NKAIN2: variants seen among roughly 807,000 people sequenced by gnomAD.
NKAIN2 encodes the protein sodium/potassium-transporting ATPase subunit beta-1-interacting protein 2.
A neutral mutation model predicts 32.6 loss-of-function variants in NKAIN2; 14 were observed. The observed-to-expected ratio is 0.43, with a 90% CI of 0.28 to 0.67. The LOEUF is 0.67. Ranked by LOEUF, NKAIN2 falls within the 30% of genes least tolerant of loss-of-function variation. NKAIN2 has a pLI of 0.17. For synonymous variants in NKAIN2, 80 were observed against 87.2 expected (o/e 0.92, Z 0.46); for missense variants, 198 against 258.3 (o/e 0.77, Z 1.60).
At chr6:124,274,093 G>T (rs948242745) in intron 1 of NKAIN2, among the ~76,000 whole-genome samples, 1 of 152,094 alleles carries the variant, frequency 6.6e-6, no homozygotes, top group Non-Finnish European at 1.5e-5. Flanking sequence ...ATGAGAATCA[G>T]ACTACAAAGG....
rs545625201 is a variant in NKAIN2 at position 123,897,894 on chromosome 6, C to G, written c.54+93640C>G. ...GGGCTGGTTCTGTACTGTAGCAAAA[C>G]AAAGAATAAATGTATTTTGTGAAGA... is the stretch of plus-strand genomic sequence containing the variant. On this transcript the variant is annotated intron_variant, in intron 1 of 6. Transcript: ENST00000368417. Among the ~76,000 whole-genome samples the G allele has an allele frequency of 4.6e-5, 7 of 152,278 alleles. No individual in the cohort carries two copies. The South Asian group carries it at 1.5e-3, about 32-fold the overall frequency.
chr6:124,354,805 G>A (rs1241415130), intron 2 of NKAIN2, among the ~76,000 whole-genome samples: 2 of 148,042 alleles, frequency 1.4e-5, no homozygotes, highest in Non-Finnish European at 3.0e-5. Context: ...TTATCCTTAA[G>A]CAGGTTTGAG....
At chr6:124,660,281 A>ATATATGAC (rs1644082452) in intron 4 of NKAIN2, among the ~76,000 whole-genome samples, 1 of 152,228 alleles carries the variant, frequency 6.6e-6, no homozygotes, top group African/African-American at 2.4e-5. Flanking sequence ...ATGGATATTT[A>ATATATGAC]TATATGACTA....
At chr6:123,983,093 T>C (rs1020363305) in intron 1 of NKAIN2, among the ~76,000 whole-genome samples, 6 of 151,498 alleles carry the variant, frequency 4.0e-5, no homozygotes, top group Admixed American at 2.0e-4. Flanking sequence ...AAGGTCTAGC[T>C]TGGCAGAGTA....
intron 3 of NKAIN2, among the ~76,000 whole-genome samples, chr6:124,447,274 GCTC>G (rs143668584): frequency 0.012 from 1,753 of 152,104 alleles, 29 homozygotes; most frequent in African/African-American, 0.04. Flanking sequence ...CAGACCTTAA[GCTC>G]CTTCAGGGCT....
At chr6:124,637,389 A>ATTTCT (rs1352360890) in intron 3 of NKAIN2, among the ~76,000 whole-genome samples, 1 of 152,030 alleles carries the variant, frequency 6.6e-6, no homozygotes, top group African/African-American at 2.4e-5. Flanking sequence ...AATGTCTAGC[A>ATTTCT]ATTAGATAAG....
chr6:124,312,669 C>T (rs187416550), intron 2 of NKAIN2, among the ~76,000 whole-genome samples: 5 of 152,214 alleles, frequency 3.3e-5, no homozygotes, highest in East Asian at 1.9e-4. Context: ...GTGTCCTCTT[C>T]GGTCTTTTAT....
intron 4 of NKAIN2, among the ~76,000 whole-genome samples, chr6:124,716,414 G>A (rs1335247963): frequency 1.3e-5 from 2 of 152,154 alleles, no homozygotes; most frequent in Non-Finnish European, 2.9e-5. Context: ...CATAAAAACA[G>A]CCAGAGTCTG....
intron 5 of NKAIN2, among the ~76,000 whole-genome samples, chr6:124,806,346 A>C (rs1352107767): frequency 6.6e-6 from 1 of 152,206 alleles, no homozygotes; most frequent in Non-Finnish European, 1.5e-5. Context: ...AACATACTTA[A>C]AGAAAAGATT....
At chr6:124,168,139 A>T (rs1219359136) in intron 1 of NKAIN2, among the ~76,000 whole-genome samples, 1 of 152,154 alleles carries the variant, frequency 6.6e-6, no homozygotes, top group African/African-American at 2.4e-5. Flanking sequence ...TGCAAATTGG[A>T]CATTTAATTT....
At chr6:124,176,731 T>G (rs1020226609) in intron 1 of NKAIN2, among the ~76,000 whole-genome samples, 1 of 152,154 alleles carries the variant, frequency 6.6e-6, no homozygotes, top group African/African-American at 2.4e-5. Context: ...TGCTGCTAGA[T>G]ATGATAGAAT....
intron 1 of NKAIN2, among the ~76,000 whole-genome samples, chr6:124,101,963 G>A (rs967562660): frequency 6.6e-6 from 1 of 152,196 alleles, no homozygotes; most frequent in African/African-American, 2.4e-5. Context: ...AAAGCTGTCT[G>A]TACCAAGATA....
chr6:124,183,525 A>G (rs1279259612), intron 1 of NKAIN2, among the ~76,000 whole-genome samples: 3 of 152,110 alleles, frequency 2.0e-5, no homozygotes, highest in Non-Finnish European at 4.4e-5. Flanking sequence ...TTATTTTCTC[A>G]AGATATATGT....
chr6:124,359,617 C>G (rs6928597), intron 3 of NKAIN2, among the ~76,000 whole-genome samples: 23,238 of 151,900 alleles, frequency 0.15, 2,381 homozygotes, highest in African/African-American at 0.3. Context: ...TTTGCACATT[C>G]ATTTTGTATC....
chr6:124,717,942 A>G (rs1482608545), intron 4 of NKAIN2, among the ~76,000 whole-genome samples: 2 of 152,196 alleles, frequency 1.3e-5, no homozygotes, highest in East Asian at 3.8e-4. Context: ...GGCATATTCA[A>G]AAGAAAACCC....
At chr6:124,168,188 A>G (rs936982857) in intron 1 of NKAIN2, among the ~76,000 whole-genome samples, 4 of 152,168 alleles carry the variant, frequency 2.6e-5, no homozygotes, top group African/African-American at 9.6e-5. Flanking sequence ...CATCATTGTC[A>G]GTTTGTATTA....
intron 3 of NKAIN2, among the ~76,000 whole-genome samples, chr6:124,424,744 T>A (rs1226732640): frequency 6.6e-6 from 1 of 152,208 alleles, no homozygotes; most frequent in Non-Finnish European, 1.5e-5. Context: ...TTGTCATAAA[T>A]GGTAGGATTT....
intron 1 of NKAIN2, among the ~76,000 whole-genome samples, chr6:123,904,695 A>G (rs550528552): frequency 5.3e-5 from 8 of 152,330 alleles, no homozygotes; most frequent in Non-Finnish European, 8.8e-5. Flanking sequence ...TGAACCTGAT[A>G]CATACTTGTT....
intron 3 of NKAIN2, among the ~76,000 whole-genome samples, chr6:124,607,036 T>C (rs1472591728): frequency 6.6e-6 from 1 of 152,068 alleles, no homozygotes; most frequent in Admixed American, 6.6e-5. Context: ...GAGTGGATAG[T>C]TTAGTTTGTT....
Sources: gnomAD v4.1 joint callset for allele counts (sites outside exome capture counted in the v4.1 genomes callset) on GRCh38, gnomAD v4.1.1 for gene constraint, MANE v1.5 for transcripts, NCBI Gene and HGNC (gene_info 2026-07-23, HGNC 2026-07-21) for gene names.